Variants in ZNF169 observed in about 807,000 individuals in gnomAD.
ZNF169 encodes the protein zinc finger protein 169.
Under a neutral mutation model 12.0 loss-of-function variants are expected in ZNF169, and 11 were observed. The ratio of observed to expected loss-of-function variants is 0.92; its 90% CI spans 0.58 to 1.52. ZNF169 has a LOEUF of 1.52. Ranked by LOEUF, ZNF169 falls within the 40% of genes most tolerant of loss-of-function variation. ZNF169 has a pLI of 0.00. For synonymous variants in ZNF169, 302 were observed against 286.5 expected (o/e 1.05, Z -0.55); for missense variants, 722 against 744.0 (o/e 0.97, Z 0.34).
chr9:94,299,627 G>A lies in ZNF169; in HGVS notation c.257-188G>A. On this transcript the variant is annotated intron_variant, in intron 4 of 4. Transcript: ENST00000395395. ...CTGAAGCTGCCTGTGATGCTTTTTT[G>A]AACCTTTTAGTTTGGCTGATAGGAC... The A allele has an allele frequency of 4.3e-6, 6 of 1,386,144 alleles. No homozygotes were observed. In the South Asian group the frequency reaches 9.2e-5, roughly 21 times the overall value. The allele number at this position is 1,386,144 out of a possible 1,614,324, so 85.9% of individuals were successfully genotyped here. A position where few individuals can be genotyped will look rare whatever the true frequency, so the allele number is the denominator to read the frequency against.
At chr9:94,274,386 T>C (rs145292213) in intron 1 of ZNF169, among the ~76,000 whole-genome samples, 6 of 152,326 alleles carry the variant, frequency 3.9e-5, no homozygotes, top group African/African-American at 9.6e-5. Flanking sequence ...TTCAAAATAT[T>C]TTCTCATATC....
At chr9:94,263,908 A>G (rs1830247567) in intron 1 of ZNF169, among the ~76,000 whole-genome samples, 1 of 148,344 alleles carries the variant, frequency 6.7e-6, no homozygotes, top group African/African-American at 2.5e-5. Context: ...AGTGCTTTGC[A>G]TTTTTACTTT....
chr9:94,274,296 A>G (rs191923855), intron 1 of ZNF169, among the ~76,000 whole-genome samples: 58 of 152,310 alleles, frequency 3.8e-4, no homozygotes, highest in African/African-American at 1.4e-3. Context: ...GAGACAAGGA[A>G]TAATTCAGCC....
chr9:94,278,823 G>A lies in ZNF169; in HGVS notation c.11G>A (p.Gly4Glu). Residue 4 changes from glycine (G) to glutamate (E), a missense_variant, in exon 2 of 5, where the codon GGA (glycine) becomes GAA (glutamate). Coordinates refer to ENST00000395395, the MANE Select transcript of ZNF169 (RefSeq NM_194320.4). ...CCAGAGAGCAGGGATATGTCACCAG[G>A]ACTCCTGACAACCAGGAAGGAGGTA... MSP[G>E]LLTTRKEALM... 4 of 1,613,980 alleles carry A rather than the reference G, an allele frequency of 2.5e-6. No homozygotes were observed. The highest frequency in any genetic ancestry group is 3.4e-6 in the Non-Finnish European group (4 of 1,179,962).
At chr9:94,269,803 A>C (rs1830359111) in intron 1 of ZNF169, among the ~76,000 whole-genome samples, 1 of 152,206 alleles carries the variant, frequency 6.6e-6, no homozygotes, top group African/African-American at 2.4e-5. Context: ...ATTTGTCTAA[A>C]GATGTAAGTG....
chr9:94,270,548 A>C (rs937352037), intron 1 of ZNF169, among the ~76,000 whole-genome samples: 1 of 143,150 alleles, frequency 7.0e-6, no homozygotes, highest in African/African-American at 2.6e-5. Context: ...ATTTGTTAGG[A>C]GTTTTTATCA....
intron 1 of ZNF169, among the ~76,000 whole-genome samples, chr9:94,267,818 A>G (rs1326821224): frequency 6.6e-6 from 1 of 151,796 alleles, no homozygotes; most frequent in African/African-American, 2.4e-5. Context: ...ACCTGCATTC[A>G]AAAGCACCTG....
intron 1 of ZNF169, among the ~76,000 whole-genome samples, chr9:94,266,913 CTTT>C (rs35671526): frequency 7.1e-6 from 1 of 140,082 alleles, no homozygotes; most frequent in Admixed American, 7.1e-5. Context: ...TCGTGTAGGC[CTTT>C]TTTTTTTTTT....
intron 1 of ZNF169, among the ~76,000 whole-genome samples, chr9:94,271,422 C>T (rs1830418989): frequency 6.6e-6 from 1 of 151,848 alleles, no homozygotes; most frequent in Non-Finnish European, 1.5e-5. Context: ...TAATTAATTG[C>T]TTTTCAAATG....
intron 1 of ZNF169, among the ~76,000 whole-genome samples, chr9:94,266,302 A>G (rs1384743042): frequency 6.6e-6 from 1 of 152,152 alleles, no homozygotes; most frequent in Non-Finnish European, 1.5e-5. Context: ...CATGATTTCT[A>G]TCATGCTTGT....
chr9:94,261,430 G>A (rs557956512), intron 1 of ZNF169, among the ~76,000 whole-genome samples: 3 of 152,150 alleles, frequency 2.0e-5, no homozygotes, highest in Non-Finnish European at 2.9e-5. Context: ...GAGCCACTGC[G>A]CCCGGCCAAG....
intron 1 of ZNF169, among the ~76,000 whole-genome samples, chr9:94,273,089 TAGA>T (rs1830452387): frequency 1.3e-5 from 2 of 152,206 alleles, no homozygotes; most frequent in Non-Finnish European, 2.9e-5. Flanking sequence ...TACTGAGTTG[TAGA>T]AGTTCTTTAT....
At position 94,273,490 on chromosome 9, in the gene ZNF169, T is replaced by A. The variant is rs190033957; in HGVS notation, c.-55-5268T>A. Among the ~76,000 whole-genome samples, 187 of 151,900 alleles carry A rather than the reference T, an allele frequency of 1.2e-3. 1 individual carries two copies. Among genetic ancestry groups the A allele is most frequent in the Non-Finnish European group, 1.6e-4 (11 of 67,910 alleles). On this transcript the variant is annotated intron_variant, in intron 1 of 4. Transcript: ENST00000395395. ...TTGGGTTCTTTTTGCTTTTCTTTTT[T>A]TAGCTTCTTGAGATGGGAGCTGAGT...
chr9:94,300,810 A>T lies in ZNF169; in HGVS notation c.1252A>T (p.Ile418Phe). The T allele has an allele frequency of 6.2e-7, 1 of 1,611,884 alleles. No homozygotes were observed. Among genetic ancestry groups the T allele is most frequent in the Non-Finnish European group, 8.5e-7 (1 of 1,179,316 alleles). Residue 418 changes from isoleucine (I) to phenylalanine (F), a missense_variant, in exon 5 of 5, where the codon ATC becomes TTC. Transcript: ENST00000395395. ...GHSFRQKVTL[I>F]RHQRTHTGEK... Reference sequence around the variant, plus strand: ...CAGCTTTCGCCAAAAGGTCACTCTCATCAGGCACCAGAGGACACACACAGG... The same window carrying T: ...CAGCTTTCGCCAAAAGGTCACTCTCTTCAGGCACCAGAGGACACACACAGG...
chr9:94,298,826 T>C (rs973710769), intron 4 of ZNF169, among the ~76,000 whole-genome samples: 3 of 152,084 alleles, frequency 2.0e-5, no homozygotes, highest in Admixed American at 2.0e-4. Flanking sequence ...CCAGAGCCTT[T>C]AATTTATACC....
At chr9:94,288,648 C>A (rs187584335) in intron 2 of ZNF169, 2 of 372,684 alleles carry the variant, frequency 5.4e-6, no homozygotes, top group South Asian at 4.3e-5. Flanking sequence ...ATCCTGAGTT[C>A]TCACGAGATC....
chr9:94,288,653 G>A (rs73653456), intron 2 of ZNF169: 71,445 of 368,520 alleles, frequency 0.19, 7,378 homozygotes, highest in Middle Eastern at 0.29. Flanking sequence ...GAGTTCTCAC[G>A]AGATCTGATA....
intron 1 of ZNF169, among the ~76,000 whole-genome samples, chr9:94,269,445 C>T (rs995570439): frequency 6.6e-6 from 1 of 152,126 alleles, no homozygotes; most frequent in Non-Finnish European, 1.5e-5. Context: ...TGCAGATTTG[C>T]GCATGCATGA....
chr9:94,288,561 G>A, intron 2 of ZNF169: 2 of 480,944 alleles, frequency 4.2e-6, no homozygotes, highest in Non-Finnish European at 8.0e-6. Context: ...CTTCTCAGAG[G>A]TGGCGGCAAC....
Sources: allele counts gnomAD v4.1 joint callset (sites outside exome capture counted in the v4.1 genomes callset), GRCh38; gene constraint gnomAD v4.1.1; transcripts MANE v1.5; gene names NCBI Gene and HGNC (gene_info 2026-07-23, HGNC 2026-07-21).